FBXO36: variants seen among roughly 807,000 people sequenced by gnomAD.
The protein encoded by FBXO36 is F-box only protein 36.
Under a neutral mutation model 17.0 loss-of-function variants are expected in FBXO36, and 18 were observed. That is an observed-to-expected ratio of 1.06 (90% CI 0.73 to 1.57). FBXO36 has a LOEUF of 1.57. Among genes scored for constraint, FBXO36 ranks in the 40% most tolerant of loss-of-function variants. The probability of loss-of-function intolerance (pLI) is 0.00; values close to 1 mark genes in which losing one functional copy is unlikely to be tolerated. For synonymous variants in FBXO36, 83 were observed against 85.3 expected, an observed-to-expected ratio of 0.97 and a Z score of 0.15; for missense variants, 229 against 221.9, an observed-to-expected ratio of 1.03 and a Z score of -0.20.
chr2:229,983,703 A>G (rs905937952), intron 2 of FBXO36, among the ~76,000 whole-genome samples: 4 of 152,354 alleles, frequency 2.6e-5, no homozygotes, highest in Middle Eastern at 3.4e-3. Flanking sequence ...CATGTGAATA[A>G]GAATGTTGCT....
chr2:229,961,516 C>T (rs567326765), intron 1 of FBXO36, among the ~76,000 whole-genome samples: 5 of 152,210 alleles, frequency 3.3e-5, no homozygotes, highest in South Asian at 2.1e-4. Flanking sequence ...GCTGGAACTA[C>T]GGGCGCATGC....
chr2:229,979,269 G>A (rs1560448396), intron 2 of FBXO36, among the ~76,000 whole-genome samples: 1 of 151,716 alleles, frequency 6.6e-6, no homozygotes, highest in African/African-American at 2.4e-5. Flanking sequence ...AGGCTGAAGT[G>A]GGAGGATTTC....
Position 229,978,126 on chromosome 2 carries a change from A to T in FBXO36, c.205+1777A>T, listed in dbSNP as rs561644467. Among the ~76,000 whole-genome samples the T allele has an allele frequency of 1.1e-3, 160 of 151,644 alleles. 3 individuals carry two copies. In the South Asian group the frequency reaches 0.016, roughly 15 times the overall value. On this transcript the variant is annotated intron_variant, in intron 2 of 3. Transcript: ENST00000283946. ...AAACAAAACAAAAACCAAAAAAAAA[A>T]TTTTTTTTTAAATTAGCTAGGTGTG...
intron 2 of FBXO36, among the ~76,000 whole-genome samples, chr2:229,983,853 C>T (rs1171655120): frequency 6.6e-6 from 1 of 152,144 alleles, no homozygotes. Context: ...CTCACAGGAT[C>T]CTTATGAGGA....
At position 230,012,921 on chromosome 2, in the gene FBXO36, C is replaced by G. The variant is rs2077422956; in HGVS notation, c.*2037C>G. ...ACATAAATATGGCAATTTGAAAACA[C>G]TATGTATATACCTACTCACATATAT... On this transcript the variant is annotated 3_prime_UTR_variant, in exon 4 of 4. Transcript: ENST00000283946. 2 of 151,148 alleles carry G rather than the reference C, an allele frequency of 1.3e-5. No individual in the cohort carries two copies. Among genetic ancestry groups the G allele is most frequent in the African/African-American group, 2.4e-5 (1 of 41,234 alleles). 9.4% of individuals were successfully genotyped at this position (151,148 alleles called of 1,614,324 possible). A position where few individuals can be genotyped will look rare whatever the true frequency, so the allele number is the denominator to read the frequency against.
intron 1 of FBXO36, among the ~76,000 whole-genome samples, chr2:229,934,318 A>C (rs60749256): frequency 6.6e-6 from 1 of 152,004 alleles, no homozygotes; most frequent in Non-Finnish European, 1.5e-5. Flanking sequence ...GGAGAATGGC[A>C]TGAACCCGGG....
intron 2 of FBXO36, among the ~76,000 whole-genome samples, chr2:229,978,014 G>A (rs1357619298): frequency 6.6e-6 from 1 of 152,104 alleles, no homozygotes; most frequent in African/African-American, 2.4e-5. Flanking sequence ...CACTTTGGGA[G>A]GCCAATGTGG....
intron 1 of FBXO36, among the ~76,000 whole-genome samples, chr2:229,935,197 T>G (rs1420676917): frequency 2.0e-5 from 3 of 152,196 alleles, no homozygotes; most frequent in African/African-American, 7.2e-5. Flanking sequence ...TTGGGAAAGC[T>G]CAGCTCTGAC....
chr2:230,004,103 G>A (rs2077374098), intron 3 of FBXO36, among the ~76,000 whole-genome samples: 1 of 152,216 alleles, frequency 6.6e-6, no homozygotes, highest in South Asian at 2.1e-4. Flanking sequence ...GCTCCTTGCA[G>A]CTCTCTGTGT....
intron 2 of FBXO36, among the ~76,000 whole-genome samples, chr2:229,986,636 G>C (rs1191641599): frequency 2.0e-5 from 3 of 150,430 alleles, no homozygotes; most frequent in African/African-American, 4.9e-5. Flanking sequence ...CTGGGTTCAA[G>C]CGATTCTCCT....
intron 3 of FBXO36, among the ~76,000 whole-genome samples, chr2:230,002,524 C>T (rs2077365214): frequency 6.6e-6 from 1 of 152,110 alleles, no homozygotes; most frequent in African/African-American, 2.4e-5. Context: ...GCTGGGACTA[C>T]AGGCCTGCGC....
chr2:229,968,828 C>T (rs1474283097), intron 1 of FBXO36, among the ~76,000 whole-genome samples: 2 of 151,998 alleles, frequency 1.3e-5, no homozygotes, highest in Non-Finnish European at 2.9e-5. Context: ...GGCTGGAGTG[C>T]AGTGGTGCAA....
At chr2:230,006,821 T>A (rs2077389261) in intron 3 of FBXO36, among the ~76,000 whole-genome samples, 1 of 152,194 alleles carries the variant, frequency 6.6e-6, no homozygotes. Flanking sequence ...TAGTATCGCT[T>A]CTGCCTTAGA....
At chr2:229,928,126 A>G (rs2076922132) in intron 1 of FBXO36, among the ~76,000 whole-genome samples, 1 of 152,212 alleles carries the variant, frequency 6.6e-6, no homozygotes, top group Non-Finnish European at 1.5e-5. Flanking sequence ...TTATTGACCA[A>G]AGTCAATAAT....
At chr2:229,936,372 G>A (rs2076963979) in intron 1 of FBXO36, among the ~76,000 whole-genome samples, 1 of 152,122 alleles carries the variant, frequency 6.6e-6, no homozygotes. Flanking sequence ...ACCTAGACCA[G>A]CAGTTTCCAA....
At chr2:229,968,815 C>T (rs1048588814) in intron 1 of FBXO36, among the ~76,000 whole-genome samples, 1 of 151,892 alleles carries the variant, frequency 6.6e-6, no homozygotes, top group Non-Finnish European at 1.5e-5. Flanking sequence ...GTTCTGTTGC[C>T]CAGGCTGGAG....
At chr2:229,972,467 T>G (rs1229107809) in intron 1 of FBXO36, among the ~76,000 whole-genome samples, 2 of 152,132 alleles carry the variant, frequency 1.3e-5, no homozygotes, top group African/African-American at 2.4e-5. Context: ...AATATGGTTC[T>G]GACCTCCTGG....
chr2:229,981,538 T>C (rs2077239723), intron 2 of FBXO36, among the ~76,000 whole-genome samples: 1 of 151,606 alleles, frequency 6.6e-6, no homozygotes, highest in South Asian at 2.1e-4. Context: ...AAACCCTGTT[T>C]CTACAAAAAA....
intron 2 of FBXO36, among the ~76,000 whole-genome samples, chr2:229,983,542 G>A (rs1374509101): frequency 1.3e-5 from 2 of 152,110 alleles, no homozygotes; most frequent in Admixed American, 6.6e-5. Flanking sequence ...CTGAGCTCAA[G>A]CAATCCTACC....
Sources: gnomAD v4.1 joint callset for allele counts (sites outside exome capture counted in the v4.1 genomes callset) on GRCh38, gnomAD v4.1.1 for gene constraint, MANE v1.5 for transcripts, NCBI Gene and HGNC (gene_info 2026-07-23, HGNC 2026-07-21) for gene names.